The following PTK2 variants were observed in gnomAD, a reference collection of about 807,000 sequenced individuals.
The protein encoded by PTK2 is focal adhesion kinase 1.
PTK2 carries 45 observed loss-of-function variants against 150.1 expected under a neutral mutation model. That is an observed-to-expected ratio of 0.30 (90% CI 0.24 to 0.38). The LOEUF is 0.38. Among genes scored for constraint, PTK2 ranks in the 10% least tolerant of loss-of-function variants. The probability of loss-of-function intolerance (pLI) is 1.00; values close to 1 mark genes in which losing one functional copy is unlikely to be tolerated. For synonymous variants in PTK2, 432 were observed against 449.2 expected (o/e 0.96, Z 0.48); for missense variants, 919 against 1,307.3 (o/e 0.70, Z 4.58).
In PTK2 at chr8:140,781,141, G is replaced by A. The variant is rs376764900; in HGVS notation, c.1177+8333C>T. ...ACAAACGGGGTGGGGGAAGACTTGA[G>A]GTCAAACTCTAGAATTTATATTTTA... On this transcript the variant is annotated intron_variant, in intron 14 of 31. Transcript: ENST00000522684. 2.0e-5 allele frequency among the ~76,000 whole-genome samples: 3 copies of A among 152,160 alleles called. No individual in the cohort carries two copies. The East Asian group carries it at 5.8e-4, about 29-fold the overall frequency.
At chr8:140,957,013 A>T (rs2100181432) in intron 1 of PTK2, among the ~76,000 whole-genome samples, 1 of 152,304 alleles carries the variant, frequency 6.6e-6, no homozygotes, top group Admixed American at 6.5e-5. Context: ...GTGAGCCGAG[A>T]TGATGCCATT....
At chr8:141,000,309 A>C (rs1487544966) in intron 1 of PTK2, among the ~76,000 whole-genome samples, 2 of 152,182 alleles carry the variant, frequency 1.3e-5, no homozygotes, top group Non-Finnish European at 2.9e-5. Context: ...CCCGCCAAGA[A>C]GCCCACGGGG....
At chr8:140,801,621 T>C (rs1487216849) in intron 11 of PTK2, among the ~76,000 whole-genome samples, 1 of 152,222 alleles carries the variant, frequency 6.6e-6, no homozygotes, top group Non-Finnish European at 1.5e-5. Flanking sequence ...TTCTCTTGGC[T>C]TCTGCGTAAA....
chr8:140,816,004 T>C (rs2100104485), intron 10 of PTK2, among the ~76,000 whole-genome samples: 3 of 152,176 alleles, frequency 2.0e-5, no homozygotes, highest in Admixed American at 6.5e-5. Context: ...AACATGATCT[T>C]TGAGCTTCTT....
exon 2 of PTK2, chr8:140,925,709 T>C: frequency 1.0e-6 from 1 of 977,472 alleles, no homozygotes; most frequent in Middle Eastern, 5.3e-4. Context: ...CAGAAGGCAC[T>C]GAATTTGTAA....
At chr8:140,807,738 C>T (rs1033123657) in intron 10 of PTK2, among the ~76,000 whole-genome samples, 3 of 152,196 alleles carry the variant, frequency 2.0e-5, no homozygotes, top group Non-Finnish European at 2.9e-5. Flanking sequence ...ATTGGATATA[C>T]TGGATCAAAT....
intron 22 of PTK2, chr8:140,718,056 A>G (rs775008116): frequency 4.0e-6 from 1 of 250,604 alleles, no homozygotes; most frequent in Non-Finnish European, 8.0e-6. Flanking sequence ...AATCCCACGC[A>G]GCACTTTATC....
At chr8:140,771,571 C>T (rs1029929300) in intron 14 of PTK2, 1 of 152,092 alleles carries the variant, frequency 6.6e-6, no homozygotes, top group Non-Finnish European at 1.5e-5. Flanking sequence ...AAATGACAGA[C>T]ACAGGTAACA....
intron 26 of PTK2, among the ~76,000 whole-genome samples, chr8:140,689,009 T>G (rs1410378385): frequency 6.6e-6 from 1 of 152,164 alleles, no homozygotes; most frequent in Admixed American, 6.6e-5. Context: ...GTGTGAAATA[T>G]AGCTCAAGAG....
intron 1 of PTK2, among the ~76,000 whole-genome samples, chr8:140,942,649 C>T (rs979313780): frequency 2.6e-4 from 39 of 150,320 alleles, no homozygotes; most frequent in African/African-American, 7.5e-4. Context: ...TGTGTGTGCG[C>T]GCATATATGT....
At chr8:140,714,087 C>G (rs1302308760) in intron 23 of PTK2, among the ~76,000 whole-genome samples, 1 of 152,022 alleles carries the variant, frequency 6.6e-6, no homozygotes, top group Non-Finnish European at 1.5e-5. Context: ...ACAGTCTCAT[C>G]CTGTTGCCCA....
At chr8:140,991,324 T>G (rs548178988) in intron 1 of PTK2, among the ~76,000 whole-genome samples, 2 of 152,290 alleles carry the variant, frequency 1.3e-5, no homozygotes, top group African/African-American at 4.8e-5. Context: ...GCTTGTGCCT[T>G]AAGCACCAAC....
intron 7 of PTK2, chr8:140,833,099 A>C: frequency 1.9e-6 from 1 of 518,172 alleles, no homozygotes; most frequent in South Asian, 1.4e-5. Context: ...AGAAAAATGA[A>C]AGGAAGCATA....
intron 2 of PTK2, among the ~76,000 whole-genome samples, chr8:140,914,537 C>T (rs2121931): frequency 0.023 from 3,482 of 151,726 alleles, 139 homozygotes; most frequent in African/African-American, 0.079. Flanking sequence ...AGGTATTAAG[C>T]CTAGCACCCA....
At position 140,694,772 on chromosome 8, in the gene PTK2, C is replaced by T. The variant is rs767669054; in HGVS notation, c.2499+6119G>A. Among the ~76,000 whole-genome samples, 9 of 152,304 alleles carry T rather than the reference C, an allele frequency of 5.9e-5. No individual in the cohort carries two copies. The East Asian group carries it at 9.6e-4, about 16-fold the overall frequency. On this transcript the variant is annotated intron_variant, in intron 26 of 31. Coordinates refer to ENST00000522684, the Ensembl canonical transcript of PTK2. The stretch of plus-strand genomic sequence containing the variant: ...ATACACAGCATAAAAAGGACCACAA[C>T]GAGATATAATTACCATTGTTAGAGT...
chr8:140,929,529 G>T (rs1039947097), intron 1 of PTK2, among the ~76,000 whole-genome samples: 10 of 152,024 alleles, frequency 6.6e-5, no homozygotes, highest in African/African-American at 2.4e-4. Flanking sequence ...TAAACTTGGA[G>T]GTAATTACTA....
At chr8:140,896,797 G>T (rs2100156462) in intron 2 of PTK2, among the ~76,000 whole-genome samples, 4 of 133,982 alleles carry the variant, frequency 3.0e-5, no homozygotes, top group Non-Finnish European at 6.8e-5. Flanking sequence ...ACGGGGGGGG[G>T]GGGTGGGTAA....
chr8:140,811,044 G>A (rs1019614523), intron 10 of PTK2, among the ~76,000 whole-genome samples: 6 of 152,204 alleles, frequency 3.9e-5, no homozygotes, highest in Non-Finnish European at 7.3e-5. Context: ...AACCTGCCGG[G>A]CTGATGAGCG....
intron 22 of PTK2, among the ~76,000 whole-genome samples, chr8:140,731,384 G>C (rs1384562836): frequency 1.3e-5 from 2 of 152,098 alleles, no homozygotes; most frequent in Non-Finnish European, 2.9e-5. Flanking sequence ...TATTCCTATT[G>C]AGGAATTTTT....
Sources: gnomAD v4.1 joint callset for allele counts (sites outside exome capture counted in the v4.1 genomes callset) on GRCh38, gnomAD v4.1.1 for gene constraint, MANE v1.5 for transcripts, NCBI Gene and HGNC (gene_info 2026-07-23, HGNC 2026-07-21) for gene names.